Variants in JPT2 observed in about 807,000 individuals in gnomAD.
The protein encoded by JPT2 is CRAMP_1 like.
Under a neutral mutation model 15.9 loss-of-function variants are expected in JPT2, and 9 were observed. The observed-to-expected ratio is 0.57, with a 90% CI of 0.34 to 0.99. The LOEUF (loss-of-function observed/expected upper bound fraction) is 0.99. Among genes scored for constraint, JPT2 ranks in the 50% least tolerant of loss-of-function variants. The pLI is 0.02. For synonymous variants in JPT2, 95 were observed against 91.7 expected (o/e 1.04, Z -0.21); for missense variants, 267 against 252.1 (o/e 1.06, Z -0.40).
chr16:1,685,486 C>T lies in JPT2; in HGVS notation c.92C>T (p.Pro31Leu), dbSNP rs1448121246. 1.2e-6 allele frequency: 2 copies of T among 1,614,086 alleles called. No individual in the cohort carries two copies. The stretch of plus-strand genomic sequence containing the variant: ...GAATCGAGCAATCTTTTTGGAAGTC[C>T]AGAAGAAGCTACTCCTTCCAGCAGG... ...GGESSNLFGS[P>L]EEATPSSRPN... is the part of the protein sequence containing the mutation. The change falls in exon 2 of 5, where the codon CCA becomes CTA. Residue 31 changes from proline (P) to leucine (L), a missense_variant. Physicochemically the swap from Pro to Leu is moderately conservative, Grantham distance 98 (BLOSUM62 -3). Coordinates refer to ENST00000248098, the MANE Select transcript of JPT2 (RefSeq NM_144570.3).
chr16:1,690,219 C>T (rs748243193), intron 2 of JPT2: 1 of 152,188 alleles, frequency 6.6e-6, no homozygotes, highest in East Asian at 1.9e-4. Context: ...GGTGCACAGA[C>T]CCCCAGCCGA....
chr16:1,681,118 A>G (rs1450979509), intron 1 of JPT2, among the ~76,000 whole-genome samples: 1 of 152,178 alleles, frequency 6.6e-6, no homozygotes, highest in Non-Finnish European at 1.5e-5. Context: ...TGTGAGCTCT[A>G]GCGTTCCCCC....
At chr16:1,695,446 C>G (rs1039082617) in intron 3 of JPT2, among the ~76,000 whole-genome samples, 1 of 151,344 alleles carries the variant, frequency 6.6e-6, no homozygotes, top group African/African-American at 2.4e-5. Context: ...GTTGCGTGCA[C>G]CTGTGGTCCT....
rs186386981 is a variant in JPT2 at position 1,697,759 on chromosome 16, T to C, written c.337-53T>C. On this transcript the variant is annotated intron_variant, in intron 3 of 4. Transcript: ENST00000248098. The stretch of plus-strand genomic sequence containing the variant: ...TCCTGATTTTCATTGTCCATTTGAA[T>C]GAGGGTAAAATTTTCTGAGTGAGTC... 1.3e-4 allele frequency: 200 copies of C among 1,553,832 alleles called. No individual in the cohort carries two copies. The African/African-American group carries it at 2.0e-3, about 15-fold the overall frequency.
At chr16:1,694,930 G>T (rs1352836955) in intron 3 of JPT2, among the ~76,000 whole-genome samples, 1 of 152,174 alleles carries the variant, frequency 6.6e-6, no homozygotes, top group Non-Finnish European at 1.5e-5. Context: ...TGGCAATGGA[G>T]GTTTAGATAT....
chr16:1,686,098 C>A (rs752968874), intron 2 of JPT2: 1 of 153,386 alleles, frequency 6.5e-6, no homozygotes, highest in Non-Finnish European at 1.4e-5. Context: ...CTTGGCCAGG[C>A]GCGGTGGCTC....
Position 1,699,010 on chromosome 16 carries a change from G to C in JPT2, c.*12G>C, listed in dbSNP as rs1340025561. On this transcript the variant is annotated 3_prime_UTR_variant, in exon 5 of 5. Transcript: ENST00000248098. The stretch of plus-strand genomic sequence containing the variant: ...TCTCCTTCTACTAAGAGAAGCCACT[G>C]CTCCACCCGGAGCCAGACCAGAAAC... 2 of 1,611,420 alleles carry C rather than the reference G, an allele frequency of 1.2e-6. No homozygotes were observed. Among genetic ancestry groups the C allele is most frequent in the Admixed American group, 3.3e-5 (2 of 59,958 alleles).
rs181395352 is a variant in JPT2, at chr16:1,699,765, A to C, written c.*767A>C. On this transcript the variant is annotated 3_prime_UTR_variant, in exon 5 of 5. Coordinates refer to ENST00000248098, the MANE Select transcript of JPT2 (RefSeq NM_144570.3). The stretch of plus-strand genomic sequence containing the variant: ...TGCTTTTTTCCTCTCATCAGCCTTA[A>C]GTTTAGGCGTTTGTTGTTCTCCAGT... 22 of 232,956 alleles carry C rather than the reference A, an allele frequency of 9.4e-5. No individual in the cohort carries two copies. In the East Asian group the frequency reaches 2.1e-3, roughly 22 times the overall value. 14.4% of individuals were successfully genotyped at this position (232,956 alleles called of 1,614,324 possible). A position where few individuals can be genotyped will look rare whatever the true frequency, so the allele number is the denominator to read the frequency against.
intron 1 of JPT2, among the ~76,000 whole-genome samples, chr16:1,679,900 C>A (rs1425570252): frequency 1.3e-5 from 2 of 151,624 alleles, no homozygotes; most frequent in East Asian, 1.9e-4. Flanking sequence ...ACTAAAAATA[C>A]GAAAAAATTA....
At chr16:1,680,907 C>T (rs1339626165) in intron 1 of JPT2, among the ~76,000 whole-genome samples, 4 of 152,158 alleles carry the variant, frequency 2.6e-5, no homozygotes, top group Non-Finnish European at 5.9e-5. Flanking sequence ...TGGAGACCCC[C>T]GAGGAGGGTC....
At position 1,693,941 on chromosome 16, in the gene JPT2, C is replaced by T. The variant is rs117604519; in HGVS notation, c.336+1956C>T. On this transcript the variant is annotated intron_variant, in intron 3 of 4. Coordinates refer to ENST00000248098, the MANE Select transcript of JPT2 (RefSeq NM_144570.3). ...AAATTCACCAACTGTTCAGAATTCC[C>T]GGCTTCCTATTGATACTAAAAGTAA... is the stretch of plus-strand genomic sequence containing the variant. Among the ~76,000 whole-genome samples, 762 of 151,986 alleles carry T rather than the reference C, an allele frequency of 5.0e-3. 6 individuals are homozygous for T. The highest frequency in any genetic ancestry group is 0.01 in the Middle Eastern group (3 of 294).
intron 1 of JPT2, 150 bp downstream of exon 1, chr16:1,678,506 T>C: frequency 1.2e-6 from 1 of 821,798 alleles, no homozygotes; most frequent in Non-Finnish European, 1.6e-6. Flanking sequence ...CCGCCCGCCT[T>C]TCTGCGCCGC....
Position 1,700,376 on chromosome 16 carries a change from G to C in JPT2, c.*1378G>C. 2 of 292,132 alleles carry C rather than the reference G, an allele frequency of 6.8e-6. No individual in the cohort carries two copies. The highest frequency in any genetic ancestry group is 2.9e-5 in the South Asian group (1 of 34,094). 18.1% of individuals were successfully genotyped at this position (292,132 alleles called of 1,614,324 possible). ...TCATGCTGCCCTTGGGTGGGCATCT[G>C]TTAACAGAGGAGAACGTCTGGGTGG... On this transcript the variant is annotated 3_prime_UTR_variant, in exon 5 of 5. Transcript: ENST00000248098.
At chr16:1,690,859 T>C (rs1320027448) in intron 2 of JPT2, among the ~76,000 whole-genome samples, 1 of 152,272 alleles carries the variant, frequency 6.6e-6, no homozygotes, top group Non-Finnish European at 1.5e-5. Context: ...TCCCAGACAC[T>C]GTTGTAAGCA....
chr16:1,687,128 G>A (rs927779850), intron 2 of JPT2, among the ~76,000 whole-genome samples: 4 of 152,090 alleles, frequency 2.6e-5, no homozygotes, highest in African/African-American at 7.2e-5. Flanking sequence ...GACTACGGGC[G>A]TATGCCACCA....
chr16:1,682,629 G>A (rs962141946), intron 1 of JPT2, among the ~76,000 whole-genome samples: 1 of 151,590 alleles, frequency 6.6e-6, no homozygotes, highest in African/African-American at 2.4e-5. Flanking sequence ...CCGAGATTGT[G>A]CCATTGCACT....
chr16:1,680,517 G>T, intron 1 of JPT2: 2 of 1,235,006 alleles, frequency 1.6e-6, no homozygotes, highest in Non-Finnish European at 2.1e-6. Context: ...GGAAGCTTCT[G>T]CTTGGGGTCC....
chr16:1,678,424 G>A, intron 1 of JPT2, 68 bp downstream of exon 1: 2 of 1,217,630 alleles, frequency 1.6e-6, no homozygotes, highest in East Asian at 3.2e-5. Flanking sequence ...GCCAGCCCAG[G>A]GCGTCCACCA....
chr16:1,688,782 A>G (rs2037085149), intron 2 of JPT2: 2 of 152,364 alleles, frequency 1.3e-5, no homozygotes, highest in South Asian at 4.1e-4. Context: ...GCAGGAGGAA[A>G]AAACATCTCT....
Sources: gnomAD v4.1 joint callset for allele counts (sites outside exome capture counted in the v4.1 genomes callset) on GRCh38, gnomAD v4.1.1 for gene constraint, MANE v1.5 for transcripts, NCBI Gene and HGNC (gene_info 2026-07-23, HGNC 2026-07-21) for gene names.